The following NEBL variants were observed in gnomAD, a reference collection of about 807,000 sequenced individuals.
NEBL encodes nebulette.
Under a neutral mutation model 140.2 loss-of-function variants are expected in NEBL, and 122 were observed. The observed-to-expected ratio is 0.87, with a 90% confidence interval of 0.75 to 1.01. The LOEUF is 1.01. Ranked by LOEUF, NEBL falls within the 50% of genes least tolerant of loss-of-function variation. The pLI, the probability that NEBL is intolerant of heterozygous loss-of-function variation, is 0.00. For synonymous variants in NEBL, 436 were observed against 398.9 expected (o/e 1.09, Z -1.11); for missense variants, 1,365 against 1,231.3 (o/e 1.11, Z -1.62).
At chr10:20,826,016 C>A (rs1839817894) in intron 18 of NEBL, among the ~76,000 whole-genome samples, 1 of 152,188 alleles carries the variant, frequency 6.6e-6, no homozygotes, top group Admixed American at 6.5e-5. Context: ...TGAACTGGTA[C>A]TATTTGCCTT....
chr10:21,258,692 C>T (rs967518075), intron 1 of NEBL, among the ~76,000 whole-genome samples: 2 of 148,348 alleles, frequency 1.3e-5, no homozygotes, highest in South Asian at 2.1e-4. Context: ...GTGACAAAAG[C>T]GAAACACCAT....
At chr10:20,956,596 AT>A (rs1323922964) in intron 4 of NEBL, among the ~76,000 whole-genome samples, 1 of 152,284 alleles carries the variant, frequency 6.6e-6, no homozygotes, top group South Asian at 2.1e-4. Flanking sequence ...TACAATAAAA[AT>A]AACATTCATT....
intron 3 of NEBL, among the ~76,000 whole-genome samples, chr10:20,968,333 C>T (rs1004156808): frequency 6.6e-6 from 1 of 150,786 alleles, no homozygotes; most frequent in Non-Finnish European, 1.5e-5. Context: ...AGCAAGGCCC[C>T]ATCTCTTAAA....
At chr10:20,916,352 G>A (rs34885917) in intron 4 of NEBL, among the ~76,000 whole-genome samples, 5,569 of 152,238 alleles carry the variant, frequency 0.037, 149 homozygotes, top group Non-Finnish European at 0.052. Flanking sequence ...GTTCTATTAC[G>A]AAATATTTCT....
At chr10:20,848,663 G>C (rs533036440) in intron 11 of NEBL, among the ~76,000 whole-genome samples, 11 of 152,214 alleles carry the variant, frequency 7.2e-5, no homozygotes, top group Admixed American at 6.5e-4. Flanking sequence ...CTCCTTATGA[G>C]AATCTAACTA....
chr10:20,854,949 G>A (rs1842910079), intron 9 of NEBL, among the ~76,000 whole-genome samples: 1 of 151,808 alleles, frequency 6.6e-6, no homozygotes, highest in Admixed American at 6.6e-5. Context: ...TTTTGGCTAG[G>A]CGCGGTGGCT....
intron 3 of NEBL, among the ~76,000 whole-genome samples, chr10:21,217,401 G>T (rs1397548879): frequency 2.6e-5 from 4 of 152,336 alleles, no homozygotes; most frequent in South Asian, 4.1e-4. Flanking sequence ...TATCTGGTTT[G>T]TTTCGGAGTG....
At chr10:21,129,409 G>A (rs1326509050) in intron 2 of NEBL, among the ~76,000 whole-genome samples, 2 of 151,800 alleles carry the variant, frequency 1.3e-5, no homozygotes, top group Non-Finnish European at 2.9e-5. Context: ...ACTATGCCTG[G>A]CTTCTTATTC....
At position 21,009,893 on chromosome 10, in the gene NEBL, T is replaced by C. The variant is rs146838805; in HGVS notation, c.249+10224A>G. On this transcript the variant is annotated intron_variant, in intron 3 of 6. Transcript: ENST00000417816. ...TATATAATTTTTAAGCACACATATA[T>C]GTACTTCATGAGAGTTTAAACATTC... Among the ~76,000 whole-genome samples, 7 of 152,316 alleles carry C rather than the reference T, an allele frequency of 4.6e-5. No individual in the cohort carries two copies. The East Asian group carries it at 5.8e-4, about 13-fold the overall frequency.
intron 2 of NEBL, chr10:21,030,093 G>C: frequency 4.2e-6 from 2 of 471,264 alleles, no homozygotes; most frequent in Non-Finnish European, 8.2e-6. Context: ...TTTGTCTTTG[G>C]AGGGGCAAAG....
intron 2 of NEBL, among the ~76,000 whole-genome samples, chr10:21,050,042 G>A (rs936142805): frequency 6.6e-6 from 1 of 152,110 alleles, no homozygotes; most frequent in South Asian, 2.1e-4. Context: ...CCAAATGAAG[G>A]GGGAGGAAGA....
At chr10:20,825,961 G>A (rs146264175) in intron 18 of NEBL, among the ~76,000 whole-genome samples, 110 of 152,278 alleles carry the variant, frequency 7.2e-4, no homozygotes, top group African/African-American at 2.5e-3. Flanking sequence ...GGGCAGAAGC[G>A]TGTCTGATAA....
chr10:20,808,897 TA>T (rs1466513621), intron 25 of NEBL, among the ~76,000 whole-genome samples: 1 of 152,200 alleles, frequency 6.6e-6, no homozygotes, highest in Non-Finnish European at 1.5e-5. Context: ...GGGTAAGGGA[TA>T]GGAAATTGAC....
intron 3 of NEBL, among the ~76,000 whole-genome samples, chr10:20,995,627 A>G (rs1297327100): frequency 6.6e-6 from 1 of 152,126 alleles, no homozygotes; most frequent in Non-Finnish European, 1.5e-5. Flanking sequence ...TGAACTCCCA[A>G]CTTCACTGCT....
At chr10:20,961,545 T>G in intron 4 of NEBL, 1 of 772,070 alleles carries the variant, frequency 1.3e-6, no homozygotes, top group Non-Finnish European at 2.3e-6. Context: ...ATTGGCATAG[T>G]CTATGCGTGC....
chr10:21,278,636 C>T (rs3847375), intron 1 of NEBL, among the ~76,000 whole-genome samples: 1 of 151,962 alleles, frequency 6.6e-6, no homozygotes, highest in Non-Finnish European at 1.5e-5. Context: ...AGGGGTCTAT[C>T]GGAGCACTGA....
At chr10:20,836,521 CCAAT>C (rs1840906504) in intron 13 of NEBL, among the ~76,000 whole-genome samples, 1 of 152,122 alleles carries the variant, frequency 6.6e-6, no homozygotes, top group African/African-American at 2.4e-5. Context: ...CCGCATCTGG[CCAAT>C]CAGTGATCTT....
chr10:21,082,643 T>C (rs181570829), intron 2 of NEBL, among the ~76,000 whole-genome samples: 1 of 151,982 alleles, frequency 6.6e-6, no homozygotes, highest in East Asian at 1.9e-4. Context: ...CCGATGCCCA[T>C]TTTGATCCTA....
intron 3 of NEBL, among the ~76,000 whole-genome samples, chr10:21,223,269 T>C (rs1048291779): frequency 3.9e-5 from 6 of 152,268 alleles, no homozygotes; most frequent in African/African-American, 1.4e-4. Flanking sequence ...GTTTAAATTT[T>C]AGCTTCCATG....
Sources: allele counts gnomAD v4.1 joint callset (sites outside exome capture counted in the v4.1 genomes callset), GRCh38; gene constraint gnomAD v4.1.1; transcripts MANE v1.5; gene names NCBI Gene and HGNC (gene_info 2026-07-23, HGNC 2026-07-21).